AGBL1: variants seen among roughly 807,000 people sequenced by gnomAD.
AGBL1 encodes the protein cytosolic carboxypeptidase 4.
Under a neutral mutation model 118.9 loss-of-function variants are expected in AGBL1, and 130 were observed. The observed-to-expected ratio is 1.09, with a 90% confidence interval of 0.95 to 1.26. AGBL1 has a LOEUF of 1.26. AGBL1 is among the 50% of genes most tolerant of loss of function. The probability of loss-of-function intolerance (pLI) is 0.00; values close to 1 mark genes in which losing one functional copy is unlikely to be tolerated. For missense variants in AGBL1, 1,584 were observed against 1,298.1 expected (o/e 1.22, Z -3.38); for synonymous variants, 555 against 478.9 (o/e 1.16, Z -2.08).
chr15:86,477,538 G>A (rs2082579295), intron 18 of AGBL1, among the ~76,000 whole-genome samples: 3 of 152,154 alleles, frequency 2.0e-5, no homozygotes, highest in African/African-American at 4.8e-5. Context: ...CCAGGAAGAA[G>A]TTGAATCTCT....
chr15:86,469,729 T>C (rs1030390816), intron 18 of AGBL1, among the ~76,000 whole-genome samples: 11 of 152,182 alleles, frequency 7.2e-5, no homozygotes, highest in African/African-American at 2.4e-4. Flanking sequence ...TTACACACTC[T>C]CCAATACTTG....
At chr15:86,777,201 G>T (rs941970923) in intron 22 of AGBL1, among the ~76,000 whole-genome samples, 2 of 151,846 alleles carry the variant, frequency 1.3e-5, no homozygotes, top group Admixed American at 6.6e-5. Context: ...TGAGGGGGTT[G>T]TTTCTTTTTT....
chr15:86,449,046 A>C (rs1468810797), intron 18 of AGBL1, among the ~76,000 whole-genome samples: 1 of 152,212 alleles, frequency 6.6e-6, no homozygotes, highest in Admixed American at 6.5e-5. Context: ...TTAAAGCTGG[A>C]AGAACAGATA....
chr15:86,664,612 C>A (rs146866863), intron 21 of AGBL1, among the ~76,000 whole-genome samples: 123 of 152,146 alleles, frequency 8.1e-4, no homozygotes, highest in African/African-American at 2.7e-3. Context: ...GGGTTTACCT[C>A]CCCTGCCAAG....
chr15:86,642,294 T>G (rs1341318337), intron 21 of AGBL1, among the ~76,000 whole-genome samples: 1 of 152,200 alleles, frequency 6.6e-6, no homozygotes, highest in African/African-American at 2.4e-5. Context: ...ATATATCTTT[T>G]ACTCAATAGC....
chr15:86,717,907 G>C (rs558983997), intron 22 of AGBL1, among the ~76,000 whole-genome samples: 6 of 152,104 alleles, frequency 3.9e-5, no homozygotes, highest in Admixed American at 6.6e-5. Flanking sequence ...GTGAAACCCC[G>C]TCTCTACTAA....
intron 17 of AGBL1, among the ~76,000 whole-genome samples, chr15:86,323,141 T>G (rs924902256): frequency 6.7e-6 from 1 of 149,350 alleles, no homozygotes; most frequent in African/African-American, 2.5e-5. Flanking sequence ...GCACATTTTC[T>G]TTCTTAGGCC....
chr15:87,002,625 C>T (rs1330319706), intron 24 of AGBL1, among the ~76,000 whole-genome samples: 3 of 152,160 alleles, frequency 2.0e-5, no homozygotes, highest in Admixed American at 2.0e-4. Flanking sequence ...GAATGTTCTT[C>T]CATTTGTTTG....
At chr15:86,327,734 C>G (rs2080205396) in intron 17 of AGBL1, among the ~76,000 whole-genome samples, 1 of 152,104 alleles carries the variant, frequency 6.6e-6, no homozygotes, top group African/African-American at 2.4e-5. Flanking sequence ...GTATAAAACT[C>G]AGAAAGGAAT....
chr15:86,821,350 C>CA (rs1173840907), intron 22 of AGBL1, among the ~76,000 whole-genome samples: 5 of 151,910 alleles, frequency 3.3e-5, no homozygotes, highest in Non-Finnish European at 5.9e-5. Context: ...AACATAACAA[C>CA]AAAAAAGCAT....
At chr15:86,277,318 ATGTGTG>A (rs5814232) in intron 15 of AGBL1, among the ~76,000 whole-genome samples, 3 of 147,690 alleles carry the variant, frequency 2.0e-5, no homozygotes, top group African/African-American at 5.0e-5. Flanking sequence ...GTGTGTGTGT[ATGTGTG>A]TGTGTGTGTG....
chr15:86,624,731 T>C (rs2084858505), intron 21 of AGBL1, among the ~76,000 whole-genome samples: 1 of 152,168 alleles, frequency 6.6e-6, no homozygotes, highest in African/African-American at 2.4e-5. Flanking sequence ...CACTGTGCTG[T>C]GATGAGCTGA....
chr15:86,283,718 T>C (rs1436508842), intron 16 of AGBL1, among the ~76,000 whole-genome samples: 2 of 152,076 alleles, frequency 1.3e-5, no homozygotes, highest in African/African-American at 4.8e-5. Flanking sequence ...CATCCTTGTA[T>C]AGGCCAAACA....
intron 22 of AGBL1, among the ~76,000 whole-genome samples, chr15:86,852,816 G>T (rs1410564357): frequency 6.6e-6 from 1 of 152,170 alleles, no homozygotes; most frequent in African/African-American, 2.4e-5. Flanking sequence ...CTTGCCTATT[G>T]CAAAGGTTTG....
At chr15:86,736,342 T>C (rs1328635357) in intron 22 of AGBL1, among the ~76,000 whole-genome samples, 4 of 151,776 alleles carry the variant, frequency 2.6e-5, no homozygotes, top group African/African-American at 9.7e-5. Context: ...ATCGTGCCAC[T>C]GCACTCCAGC....
intron 21 of AGBL1, among the ~76,000 whole-genome samples, chr15:86,638,978 A>C (rs939494284): frequency 3.3e-5 from 5 of 151,988 alleles, no homozygotes; most frequent in Non-Finnish European, 5.9e-5. Flanking sequence ...TCAGTTTCTT[A>C]CTATCTGTCG....
At chr15:86,461,158 G>A (rs2082330475) in intron 18 of AGBL1, among the ~76,000 whole-genome samples, 2 of 152,142 alleles carry the variant, frequency 1.3e-5, no homozygotes, top group Admixed American at 6.5e-5. Flanking sequence ...CCTGGGATCA[G>A]GGACTTTAAA....
chr15:86,814,743 G>A (rs1182959828), intron 22 of AGBL1, among the ~76,000 whole-genome samples: 3 of 152,174 alleles, frequency 2.0e-5, no homozygotes, highest in Non-Finnish European at 4.4e-5. Context: ...AGTCCTCGAG[G>A]TAGCCCAACA....
chr15:86,756,240 G>T (rs932203530), intron 22 of AGBL1, among the ~76,000 whole-genome samples: 1 of 150,648 alleles, frequency 6.6e-6, no homozygotes, highest in South Asian at 2.1e-4. Flanking sequence ...TAGTGCCCCC[G>T]CCCCCACCAA....
Sources: allele counts gnomAD v4.1 joint callset (sites outside exome capture counted in the v4.1 genomes callset), GRCh38; gene constraint gnomAD v4.1.1; transcripts MANE v1.5; gene names NCBI Gene and HGNC (gene_info 2026-07-23, HGNC 2026-07-21).